Variants in TBC1D21 observed in about 807,000 individuals in gnomAD.
TBC1D21 encodes male germ cell Rab GTPase-activating protein.
A neutral mutation model predicts 46.0 loss-of-function variants in TBC1D21; 38 were observed. The ratio of observed to expected loss-of-function variants is 0.83; its 90% CI spans 0.64 to 1.08. The LOEUF (loss-of-function observed/expected upper bound fraction) is 1.08. Among genes scored for constraint, TBC1D21 ranks in the 50% least tolerant of loss-of-function variants. TBC1D21 has a pLI of 0.00. For synonymous variants in TBC1D21, 151 were observed against 157.2 expected, an observed-to-expected ratio of 0.96 and a Z score of 0.29; for missense variants, 415 against 417.9, an observed-to-expected ratio of 0.99 and a Z score of 0.06.
Position 73,888,956 on chromosome 15 carries a change from A to C in TBC1D21, c.979-113A>C, listed in dbSNP as rs28580463. On this transcript the variant is annotated intron_variant, in intron 10 of 10. Coordinates refer to ENST00000300504, the MANE Select transcript of TBC1D21 (RefSeq NM_153356.3). The stretch of plus-strand genomic sequence containing the variant: ...CCCTCATCCCCCATTCCCTGTGTCC[A>C]TCCCAGTGGGTCTGGGCACCCAGAG... 3,426 of 1,286,568 alleles carry C rather than the reference A, an allele frequency of 2.7e-3. 60 individuals carry two copies. The African/African-American group carries it at 0.044, about 16-fold the overall frequency. The allele number at this position is 1,286,568 out of a possible 1,614,324, so 79.7% of individuals were successfully genotyped here.
At chr15:73,898,234 G>A in the TBC1D21 span, among the ~76,000 whole-genome samples, 1 of 152,260 alleles carries the variant, frequency 6.6e-6, no homozygotes, top group South Asian at 2.1e-4. Flanking sequence ...GTGTGGCACA[G>A]GGTGCAGCTG....
At chr15:73,896,606 A>T in the TBC1D21 span, among the ~76,000 whole-genome samples, 1 of 152,000 alleles carries the variant, frequency 6.6e-6, no homozygotes, top group Non-Finnish European at 1.5e-5. Context: ...AGGCACAAGG[A>T]GGGGCGGTAA....
chr15:73,903,807 G>T, the TBC1D21 span, among the ~76,000 whole-genome samples: 1 of 152,176 alleles, frequency 6.6e-6, no homozygotes, highest in Non-Finnish European at 1.5e-5. Flanking sequence ...TGTAATCCCA[G>T]CACTTTGGGA....
At chr15:73,906,208 T>G in the TBC1D21 span, among the ~76,000 whole-genome samples, 10 of 152,300 alleles carry the variant, frequency 6.6e-5, no homozygotes, top group Admixed American at 1.3e-4. Context: ...GGAAGCTGAG[T>G]TCTGGTCACA....
chr15:73,895,850 C>T, the TBC1D21 span, among the ~76,000 whole-genome samples: 7 of 152,130 alleles, frequency 4.6e-5, no homozygotes, highest in Admixed American at 2.0e-4. Flanking sequence ...GAGAAATCTG[C>T]GCAAAGATGT....
chr15:73,897,199 T>C, the TBC1D21 span, among the ~76,000 whole-genome samples: 10 of 152,286 alleles, frequency 6.6e-5, no homozygotes, highest in African/African-American at 2.4e-4. Context: ...GCAGTGTGAA[T>C]TGGTTAGTCC....
At chr15:73,898,880 A>AAAAAAATATTTATATATATATAT in the TBC1D21 span, among the ~76,000 whole-genome samples, 1 of 56,778 alleles carries the variant, frequency 1.8e-5, no homozygotes, top group Non-Finnish European at 3.8e-5. Context: ...AAAAAAAAAA[A>AAAAAAATATTTATATATATATAT]ATATATATAT....
downstream of TBC1D21, among the ~76,000 whole-genome samples, chr15:73,891,698 G>A (rs951453499): frequency 6.6e-6 from 1 of 152,260 alleles, no homozygotes; most frequent in Admixed American, 6.5e-5. Context: ...GAGCAAAGCT[G>A]TGGCTGAGAC....
chr15:73,889,051 C>T lies in TBC1D21; in HGVS notation c.979-18C>T. The T allele has an allele frequency of 6.2e-7, 1 of 1,613,354 alleles. No homozygotes were observed. ...GACAGACCAATGTCTGTGCACCTCC[C>T]ACCTGCCTCCTCCCTAGGTTCCTCA... On this transcript the variant is annotated intron_variant, in intron 10 of 10. Transcript: ENST00000300504.
At position 73,884,185 on chromosome 15, in the gene TBC1D21, A is replaced by G; in HGVS notation, c.307A>G (p.Lys103Glu). 1 of 1,614,230 alleles carries G rather than the reference A, an allele frequency of 6.2e-7. No homozygotes were observed. Among genetic ancestry groups the G allele is most frequent in the Non-Finnish European group, 8.5e-7 (1 of 1,180,036 alleles). Reference protein sequence around the residue: ...NYKALCQMYEKIQPLLENLHR... With the variant: ...NYKALCQMYEEIQPLLENLHR... ...CAAGGCCTTATGCCAAATGTATGAG[A>G]AGATTCAGCCCCTTCTGGAAAACCT... The change falls in exon 4 of 11, where the codon AAG (lysine) becomes GAG (glutamate). Residue 103 changes from lysine to glutamate, a missense_variant. Coordinates refer to ENST00000300504, the MANE Select transcript of TBC1D21 (RefSeq NM_153356.3).
chr15:73,905,165 G>A, the TBC1D21 span, among the ~76,000 whole-genome samples: 10 of 152,170 alleles, frequency 6.6e-5, no homozygotes, highest in South Asian at 8.3e-4. Context: ...CAGCCATCAT[G>A]TGAATACCTC....
chr15:73,878,979 G>A (rs1452607591), intron 1 of TBC1D21, among the ~76,000 whole-genome samples: 1 of 152,170 alleles, frequency 6.6e-6, no homozygotes, highest in African/African-American at 2.4e-5. Context: ...CTATGCAGGT[G>A]GGGAACACAT....
At chr15:73,886,226 G>A (rs759787639) in intron 7 of TBC1D21, 52 bp downstream of exon 7, 2 of 1,531,290 alleles carry the variant, frequency 1.3e-6, no homozygotes, top group Non-Finnish European at 1.8e-6. Context: ...GCATGGGAAG[G>A]GGGCTGGGAC....
At position 73,886,561 on chromosome 15, in the gene TBC1D21, C is replaced by T. The variant is rs1315262757; in HGVS notation, c.726C>T (p.Phe242=). The part of the protein sequence containing the change: ...AVQSLFPWFC[F]CFQRAFKSFD... The stretch of plus-strand genomic sequence containing the variant: ...AGTCCCTCTTCCCCTGGTTCTGCTT[C>T]TGCTTCCAGCGTGCCTTCAAGTCCT... The change falls in exon 8 of 11, where the codon TTC becomes TTT. Residue 242 remains phenylalanine, a synonymous_variant. Coordinates refer to ENST00000300504, the MANE Select transcript of TBC1D21 (RefSeq NM_153356.3). The T allele has an allele frequency of 5.6e-6, 9 of 1,613,634 alleles. No individual in the cohort carries two copies. The highest frequency in any genetic ancestry group is 6.8e-6 in the Non-Finnish European group (8 of 1,180,042).
At chr15:73,908,703 G>A in the TBC1D21 span, among the ~76,000 whole-genome samples, 1 of 152,266 alleles carries the variant, frequency 6.6e-6, no homozygotes, top group Non-Finnish European at 1.5e-5. Context: ...ACAGACAGGA[G>A]CATCACCTCC....
the TBC1D21 span, among the ~76,000 whole-genome samples, chr15:73,903,280 A>C: frequency 6.6e-6 from 1 of 152,118 alleles, no homozygotes; most frequent in Non-Finnish European, 1.5e-5. Context: ...TGAGAGAACT[A>C]TCTGGCCTTG....
At chr15:73,898,163 G>A in the TBC1D21 span, among the ~76,000 whole-genome samples, 2 of 152,202 alleles carry the variant, frequency 1.3e-5, no homozygotes, top group Non-Finnish European at 2.9e-5. Flanking sequence ...CTCACCATGC[G>A]CAGGCTCACC....
the TBC1D21 span, among the ~76,000 whole-genome samples, chr15:73,900,072 G>A: frequency 6.6e-6 from 1 of 152,316 alleles, no homozygotes; most frequent in South Asian, 2.1e-4. Context: ...CGATGTGACT[G>A]TGAGTTGGGT....
chr15:73,883,611 T>C (rs1283075426), intron 3 of TBC1D21, among the ~76,000 whole-genome samples: 2 of 152,196 alleles, frequency 1.3e-5, no homozygotes, highest in Non-Finnish European at 2.9e-5. Flanking sequence ...ATCCTTGACT[T>C]AGTCACATCT....
Sources: allele counts gnomAD v4.1 joint callset (sites outside exome capture counted in the v4.1 genomes callset), GRCh38; gene constraint gnomAD v4.1.1; transcripts MANE v1.5; gene names NCBI Gene and HGNC (gene_info 2026-07-23, HGNC 2026-07-21).